The following WIPF1 variants were observed in gnomAD, a reference collection of about 807,000 sequenced individuals.
WIPF1 encodes WAS/WASL-interacting protein family member 1.
WIPF1 carries 13 observed loss-of-function variants against 35.4 expected under a neutral mutation model. The ratio of observed to expected loss-of-function variants is 0.37; its 90% CI spans 0.24 to 0.58. The LOEUF (loss-of-function observed/expected upper bound fraction) is 0.58, where lower values mean the gene tolerates loss of function less well. WIPF1 is among the 20% of genes least tolerant of loss of function. The pLI is 0.74. For synonymous variants in WIPF1, 267 were observed against 266.3 expected (o/e 1.00, Z -0.02); for missense variants, 591 against 667.0 (o/e 0.89, Z 1.25).
chr2:174,672,766 C>T (rs1485135664), intron 1 of WIPF1, among the ~76,000 whole-genome samples: 3 of 152,192 alleles, frequency 2.0e-5, no homozygotes. Flanking sequence ...CTCTACTCTA[C>T]TTCTGCACAG....
chr2:174,619,063 C>T (rs75849935), intron 1 of WIPF1, among the ~76,000 whole-genome samples: 20 of 152,126 alleles, frequency 1.3e-4, no homozygotes, highest in Non-Finnish European at 2.4e-4. Flanking sequence ...AAGTGATCCT[C>T]CTACCTCAGC....
At chr2:174,600,555 A>T (rs1284863053), upstream of WIPF1, among the ~76,000 whole-genome samples, 1 of 152,186 alleles carries the variant, frequency 6.6e-6, no homozygotes, top group Non-Finnish European at 1.5e-5. Flanking sequence ...TTTTACTTGC[A>T]AGCCTGGTAC....
At chr2:174,668,939 G>C (rs538747226) in intron 1 of WIPF1, among the ~76,000 whole-genome samples, 2 of 152,332 alleles carry the variant, frequency 1.3e-5, no homozygotes, top group East Asian at 3.9e-4. Flanking sequence ...TGCCAGATTA[G>C]CTGTGTGAAA....
At chr2:174,609,439 A>G (rs1686276374) in intron 1 of WIPF1, among the ~76,000 whole-genome samples, 1 of 152,200 alleles carries the variant, frequency 6.6e-6, no homozygotes, top group Non-Finnish European at 1.5e-5. Flanking sequence ...GACAATGTCA[A>G]TGGTGTTACT....
intron 1 of WIPF1, among the ~76,000 whole-genome samples, chr2:174,680,698 T>C (rs1294440364): frequency 6.6e-6 from 1 of 152,166 alleles, no homozygotes; most frequent in Non-Finnish European, 1.5e-5. Context: ...TGCCTGACCA[T>C]AGCACCTGAG....
intron 1 of WIPF1, among the ~76,000 whole-genome samples, chr2:174,595,673 C>G (rs1003605087): frequency 1.3e-5 from 2 of 152,102 alleles, no homozygotes; most frequent in Non-Finnish European, 2.9e-5. Context: ...TGTGTGTACA[C>G]CCATGCAAAC....
chr2:174,668,906 C>G (rs571359153), intron 1 of WIPF1, among the ~76,000 whole-genome samples: 1 of 152,348 alleles, frequency 6.6e-6, no homozygotes, highest in African/African-American at 2.4e-5. Context: ...TGAAGCCACG[C>G]TGCCTGGACT....
In WIPF1 at chr2:174,564,698, T is replaced by A. The variant is rs548707466; in HGVS notation, c.1457-2096A>T. On this transcript the variant is annotated intron_variant, in intron 7 of 7. Coordinates refer to ENST00000679041, the MANE Select transcript of WIPF1 (RefSeq NM_001375834.1). The stretch of plus-strand genomic sequence containing the variant: ...AATATTTAGAATAAGAAGCAAATAA[T>A]AAGTTAGGAAAAATATTTGGAGTCT... Among the ~76,000 whole-genome samples the A allele has an allele frequency of 4.8e-3, 729 of 152,090 alleles. 3 individuals are homozygous for A. Among genetic ancestry groups the A allele is most frequent in the African/African-American group, 0.017 (703 of 41,476 alleles).
chr2:174,586,933 A>C (rs1685444556), intron 1 of WIPF1, among the ~76,000 whole-genome samples: 1 of 152,236 alleles, frequency 6.6e-6, no homozygotes, highest in African/African-American at 2.4e-5. Context: ...GTCACTGGCC[A>C]CCTGAATAAC....
At chr2:174,632,262 A>G (rs1687045464) in intron 1 of WIPF1, among the ~76,000 whole-genome samples, 1 of 152,118 alleles carries the variant, frequency 6.6e-6, no homozygotes, top group Admixed American at 6.5e-5. Flanking sequence ...GGTTTTGTAT[A>G]ATGATGACAC....
chr2:174,571,915 G>A lies in WIPF1; in HGVS notation c.890C>T (p.Thr297Ile). Reference protein sequence around the residue: ...PQNNKPPVPSTPRPSASSQAP... With the variant: ...PQNNKPPVPSIPRPSASSQAP... ...CTGTGAGGAGGCCGAAGGCCGCGGA[G>A]TGGAAGGCACTGGAGGCTTGTTGTT... The change falls in exon 5 of 8, where the codon ACT becomes ATT. Residue 297 changes from threonine (T) to isoleucine (I), a missense_variant. Around this residue, in one of 3 missense-constraint regions of WIPF1, gnomAD observed 471 missense variants for 501.1 expected, o/e 0.94. Transcript: ENST00000679041. The surrounding 1 kb of genome is among the most constrained non-coding windows in gnomAD (Gnocchi z 4.6). 1 of 1,609,124 alleles carries A rather than the reference G, an allele frequency of 6.2e-7. No individual in the cohort carries two copies. Among genetic ancestry groups the A allele is most frequent in the East Asian group, 2.2e-5 (1 of 44,872 alleles).
intron 1 of WIPF1, among the ~76,000 whole-genome samples, chr2:174,627,918 G>T (rs1686898178): frequency 6.6e-6 from 1 of 152,058 alleles, no homozygotes; most frequent in South Asian, 2.1e-4. Context: ...AATGTTTGTG[G>T]CATTTTGAAG....
chr2:174,650,515 A>G (rs1687513711), intron 1 of WIPF1, among the ~76,000 whole-genome samples: 1 of 152,036 alleles, frequency 6.6e-6, no homozygotes, highest in Admixed American at 6.5e-5. Context: ...CTCCTCCTAT[A>G]AGCTCCTGTA....
chr2:174,565,565 C>A (rs752182636), intron 7 of WIPF1, among the ~76,000 whole-genome samples: 9 of 152,160 alleles, frequency 5.9e-5, no homozygotes, highest in Non-Finnish European at 1.2e-4. Flanking sequence ...TCACTTCTCT[C>A]CCATGTCAGT....
rs1469645683 is a variant in WIPF1 at position 174,590,252 on chromosome 2, G to A, written c.-38-4641C>T. Among the ~76,000 whole-genome samples the A allele has an allele frequency of 2.0e-5, 3 of 152,166 alleles. No homozygotes were observed. Among genetic ancestry groups the A allele is most frequent in the Non-Finnish European group, 4.4e-5 (3 of 68,034 alleles). On this transcript the variant is annotated intron_variant, in intron 1 of 7. Coordinates refer to ENST00000679041, the MANE Select transcript of WIPF1 (RefSeq NM_001375834.1). This position sits in a 1 kb window ranked among gnomAD's most constrained non-coding sequence, Gnocchi z 4.6. Reference sequence around the variant, plus strand: ...ATTTGTTTTTCCCATCTGTTAAATGGGAAGTTGCTGAGCAGATTAAATGAA... The same window carrying A: ...ATTTGTTTTTCCCATCTGTTAAATGAGAAGTTGCTGAGCAGATTAAATGAA...
At chr2:174,635,763 G>C (rs562262477) in intron 1 of WIPF1, among the ~76,000 whole-genome samples, 1 of 150,816 alleles carries the variant, frequency 6.6e-6, no homozygotes, top group Non-Finnish European at 1.5e-5. Flanking sequence ...GGATTTTTTT[G>C]TTTGTTTTTT....
At chr2:174,631,319 G>T (rs1235645922) in intron 1 of WIPF1, among the ~76,000 whole-genome samples, 1 of 152,152 alleles carries the variant, frequency 6.6e-6, no homozygotes, top group African/African-American at 2.4e-5. Flanking sequence ...CTAACAACAT[G>T]GACGGACCTT....
rs544824441 is a variant in WIPF1 at position 174,593,317 on chromosome 2, G to T, written c.-39+4284C>A. ...TAACAGAACAAAATTTATAATACAT[G>T]TAACACAAAAGTGTTTTCCTGAGAA... On this transcript the variant is annotated intron_variant, in intron 1 of 7. Transcript: ENST00000679041. Among the ~76,000 whole-genome samples, 6 of 152,136 alleles carry T rather than the reference G, an allele frequency of 3.9e-5. No homozygotes were observed. The South Asian group carries it at 1.2e-3, about 32-fold the overall frequency.
chr2:174,589,039 G>A (rs1284453506), intron 1 of WIPF1, among the ~76,000 whole-genome samples: 2 of 152,166 alleles, frequency 1.3e-5, no homozygotes, highest in Admixed American at 6.5e-5. Context: ...GGCACGGTCT[G>A]GACTTCTCCA....
Sources: gnomAD v4.1 joint callset for allele counts (sites outside exome capture counted in the v4.1 genomes callset) on GRCh38, gnomAD v4.1.1 for gene constraint, gnomAD v4.1.1 regional missense constraint, Gnocchi (gnomAD v3.1) non-coding constraint, MANE v1.5 for transcripts, NCBI Gene and HGNC (gene_info 2026-07-23, HGNC 2026-07-21) for gene names.